The following GRID2 variants were observed in gnomAD, a reference collection of about 807,000 sequenced individuals.
GRID2 encodes glutamate ionotropic receptor delta type subunit 2, also known as glutamate receptor ionotropic, delta-2.
GRID2 carries 33 observed loss-of-function variants against 114.8 expected under a neutral mutation model. The ratio of observed to expected loss-of-function variants is 0.29; its 90% CI spans 0.22 to 0.38. GRID2 has a LOEUF of 0.38. GRID2 is among the 10% of genes least tolerant of loss of function. GRID2 has a pLI of 1.00. For missense variants in GRID2, 1,184 were observed against 1,257.7 expected (o/e 0.94, Z 0.89); for synonymous variants, 505 against 449.9 (o/e 1.12, Z -1.55).
chr4:93,278,192 G>C (rs1230323733), intron 8 of GRID2, among the ~76,000 whole-genome samples: 1 of 151,716 alleles, frequency 6.6e-6, no homozygotes, highest in African/African-American at 2.4e-5. Context: ...TAGGTTACTG[G>C]AAGGATAGTA....
chr4:92,428,769 G>T lies in GRID2; in HGVS notation c.88+124025G>T, dbSNP rs77126795. The stretch of plus-strand genomic sequence containing the variant: ...GTTTATTTTATTATGCCACTTCCAT[G>T]ATAGTTAAACTAGTATTTTTTATTT... On this transcript the variant is annotated intron_variant, in intron 1 of 15. Coordinates refer to ENST00000282020, the MANE Select transcript of GRID2 (RefSeq NM_001510.4). 8.7e-3 allele frequency among the ~76,000 whole-genome samples: 1,321 copies of T among 152,232 alleles called. 16 individuals are homozygous for T. The highest frequency in any genetic ancestry group is 0.03 in the African/African-American group (1,258 of 41,532).
chr4:92,561,992 CTT>C (rs1481894218), intron 1 of GRID2, among the ~76,000 whole-genome samples: 1 of 152,128 alleles, frequency 6.6e-6, no homozygotes, highest in African/African-American at 2.4e-5. Flanking sequence ...AGTGGACTCT[CTT>C]TAATAGGCAA....
intron 14 of GRID2, among the ~76,000 whole-genome samples, chr4:93,726,619 A>G (rs1401694386): frequency 4.6e-5 from 7 of 152,202 alleles, no homozygotes; most frequent in African/African-American, 1.7e-4. Flanking sequence ...ACCCATGAGC[A>G]TGGAATGTTC....
At chr4:92,522,261 C>T (rs1273613869) in intron 1 of GRID2, among the ~76,000 whole-genome samples, 1 of 151,822 alleles carries the variant, frequency 6.6e-6, no homozygotes, top group Non-Finnish European at 1.5e-5. Flanking sequence ...CTTGCAATGT[C>T]AGGCTGAAGG....
chr4:93,621,496 C>T (rs1374760740), intron 13 of GRID2, among the ~76,000 whole-genome samples: 1 of 152,166 alleles, frequency 6.6e-6, no homozygotes, highest in Non-Finnish European at 1.5e-5. Flanking sequence ...GTAAATAAAT[C>T]AATGGCATGT....
At chr4:92,719,509 T>G (rs563533155) in intron 2 of GRID2, among the ~76,000 whole-genome samples, 2 of 152,234 alleles carry the variant, frequency 1.3e-5, no homozygotes, top group Admixed American at 6.6e-5. Flanking sequence ...ACCAAAACAT[T>G]AAAAAACAAC....
intron 14 of GRID2, among the ~76,000 whole-genome samples, chr4:93,731,064 A>C (rs1201656469): frequency 6.6e-6 from 1 of 152,236 alleles, no homozygotes; most frequent in Non-Finnish European, 1.5e-5. Flanking sequence ...GTTTTTGGCC[A>C]GGAAGCAGAC....
At chr4:93,434,628 T>A (rs1720891608) in intron 10 of GRID2, among the ~76,000 whole-genome samples, 1 of 152,134 alleles carries the variant, frequency 6.6e-6, no homozygotes, top group Admixed American at 6.5e-5. Flanking sequence ...GCCACAATTA[T>A]CTCTTCTCTG....
intron 2 of GRID2, among the ~76,000 whole-genome samples, chr4:92,957,751 A>T (rs1188557631): frequency 1.3e-5 from 2 of 152,084 alleles, no homozygotes; most frequent in Non-Finnish European, 2.9e-5. Context: ...GGAAGAATTG[A>T]CATATTGAAA....
chr4:92,392,759 T>G (rs1730307836), intron 1 of GRID2, among the ~76,000 whole-genome samples: 2 of 152,164 alleles, frequency 1.3e-5, no homozygotes, highest in South Asian at 4.1e-4. Flanking sequence ...GTAATATCAT[T>G]CATACCTAAA....
chr4:92,477,039 A>ATGTGTG (rs70940894), intron 1 of GRID2, among the ~76,000 whole-genome samples: 36 of 119,554 alleles, frequency 3.0e-4, no homozygotes, highest in Admixed American at 1.7e-3. Context: ...ATTTAACTTC[A>ATGTGTG]TGTGTGTGTG....
At chr4:93,472,739 A>G (rs1198929816) in intron 11 of GRID2, among the ~76,000 whole-genome samples, 1 of 152,202 alleles carries the variant, frequency 6.6e-6, no homozygotes, top group Admixed American at 6.5e-5. Context: ...ATGTTACAGA[A>G]GATAGATATT....
intron 2 of GRID2, among the ~76,000 whole-genome samples, chr4:92,662,172 G>A (rs1034915274): frequency 2.0e-5 from 3 of 150,978 alleles, no homozygotes; most frequent in Admixed American, 6.6e-5. Context: ...GCAATAGATA[G>A]CCAAATCAGA....
chr4:93,346,133 T>G (rs9985982), intron 8 of GRID2, among the ~76,000 whole-genome samples: 32,084 of 152,076 alleles, frequency 0.21, 5,377 homozygotes, highest in African/African-American at 0.46. Flanking sequence ...GTATTTTAGG[T>G]CTCCATGCAA....
chr4:92,350,719 T>C (rs562405326), intron 1 of GRID2, among the ~76,000 whole-genome samples: 1 of 151,976 alleles, frequency 6.6e-6, no homozygotes, highest in African/African-American at 2.4e-5. Flanking sequence ...TTAAAATGTA[T>C]ACTGCAATGG....
intron 2 of GRID2, among the ~76,000 whole-genome samples, chr4:92,789,239 ACTTTAT>A (rs1159383483): frequency 6.6e-6 from 1 of 151,754 alleles, no homozygotes; most frequent in Non-Finnish European, 1.5e-5. Flanking sequence ...TCAAATCTAC[ACTTTAT>A]CTTTGCTGTT....
intron 1 of GRID2, among the ~76,000 whole-genome samples, chr4:92,385,712 G>A (rs1354970294): frequency 6.6e-6 from 1 of 151,320 alleles, no homozygotes; most frequent in Admixed American, 6.6e-5. Context: ...AAACAAATAG[G>A]TTAGAATACA....
At chr4:93,649,891 G>C (rs1164069386) in intron 14 of GRID2, among the ~76,000 whole-genome samples, 4 of 152,044 alleles carry the variant, frequency 2.6e-5, no homozygotes, top group Non-Finnish European at 5.9e-5. Context: ...TAGCTACATA[G>C]GTTTTGAATC....
intron 1 of GRID2, among the ~76,000 whole-genome samples, chr4:92,367,351 T>C (rs957666419): frequency 6.6e-6 from 1 of 152,038 alleles, no homozygotes; most frequent in Non-Finnish European, 1.5e-5. Context: ...AAATTTTCAG[T>C]GTCAGGAAAA....
Sources: allele counts gnomAD v4.1 joint callset (sites outside exome capture counted in the v4.1 genomes callset), GRCh38; gene constraint gnomAD v4.1.1; transcripts MANE v1.5; gene names NCBI Gene and HGNC (gene_info 2026-07-23, HGNC 2026-07-21).